SCAMP4: variants seen among roughly 807,000 people sequenced by gnomAD.
SCAMP4 encodes the protein secretory carrier-associated membrane protein 4.
Under a neutral mutation model 32.1 loss-of-function variants are expected in SCAMP4, and 19 were observed. The observed-to-expected ratio is 0.59, with a 90% CI of 0.41 to 0.87. SCAMP4 has a LOEUF of 0.87. Ranked by LOEUF, SCAMP4 falls within the 40% of genes least tolerant of loss-of-function variation. The pLI, the probability that SCAMP4 is intolerant of heterozygous loss-of-function variation, is 0.00. For missense variants in SCAMP4, 302 were observed against 309.0 expected (o/e 0.98, Z 0.17); for synonymous variants, 152 against 132.7 (o/e 1.15, Z -1.00).
rs2013238684 is a variant in SCAMP4 at position 1,908,180 on chromosome 19, G to A, written c.-42+2741G>A. On this transcript the variant is annotated intron_variant, in intron 1 of 6. Transcript: ENST00000316097. The surrounding 1 kb of genome is among the most constrained non-coding windows in gnomAD (Gnocchi z 4.2). ...GCGTTTTGGGAGGGCCCAGCGAGTC[G>A]GCTGCTATGGGCCCCACCTGGCACG... is the stretch of plus-strand genomic sequence containing the variant. 1.1e-5 allele frequency: 3 copies of A among 265,158 alleles called. No homozygotes were observed. Among genetic ancestry groups the A allele is most frequent in the African/African-American group, 2.3e-5 (1 of 42,740 alleles). The allele number at this position is 265,158 out of a possible 1,614,324, so 16.4% of individuals were successfully genotyped here.
Position 1,910,825 on chromosome 19 carries a change from T to C in SCAMP4, c.-41-4154T>C, listed in dbSNP as rs143575184. On this transcript the variant is annotated intron_variant, in intron 1 of 6. Transcript: ENST00000316097. ...CTCGTGGCCTCATGATCTGCCCGCCTCAGCCTCCCAAAGTGCTGGGATTAC... is the reference window on the plus strand; with the variant it reads ...CTCGTGGCCTCATGATCTGCCCGCCCCAGCCTCCCAAAGTGCTGGGATTAC... Among the ~76,000 whole-genome samples the C allele has an allele frequency of 5.1e-3, 775 of 152,038 alleles. 3 individuals carry two copies. Among genetic ancestry groups the C allele is most frequent in the Non-Finnish European group, 8.4e-3 (570 of 67,980 alleles).
At chr19:1,919,298 AC>A in intron 5 of SCAMP4, 1 of 1,211,274 alleles carries the variant, frequency 8.3e-7, no homozygotes, top group Non-Finnish European at 1.0e-6. Context: ...CACACCCCTG[AC>A]CCGGGGTCTG....
intron 2 of SCAMP4, chr19:1,915,321 A>G (rs1017722878): frequency 9.7e-6 from 5 of 514,428 alleles, no homozygotes; most frequent in East Asian, 3.4e-5. Context: ...GCGTGTTCTC[A>G]TGTGCCCCGG....
In SCAMP4 at chr19:1,908,966, G is replaced by A. The variant is rs1420061094; in HGVS notation, c.-42+3527G>A. On this transcript the variant is annotated intron_variant, in intron 1 of 6. Transcript: ENST00000316097. This position sits in a 1 kb window ranked among gnomAD's most constrained non-coding sequence, Gnocchi z 4.2. ...CTGAAAATACAAAAATTAGCCGGGC[G>A]TGGTGGCATGTGCCTGTATTCCCAG... Among the ~76,000 whole-genome samples, 1 of 152,100 alleles carries A rather than the reference G, an allele frequency of 6.6e-6. No individual in the cohort carries two copies. The highest frequency in any genetic ancestry group is 1.5e-5 in the Non-Finnish European group (1 of 68,020).
chr19:1,917,128 C>T (rs4806819), intron 2 of SCAMP4, among the ~76,000 whole-genome samples: 106,427 of 152,022 alleles, frequency 0.7, 38,538 homozygotes, highest in Non-Finnish European at 0.82. Flanking sequence ...GGTGAAACCT[C>T]GTGTCTACTA....
intron 5 of SCAMP4, chr19:1,922,233 A>G: frequency 1.0e-6 from 1 of 985,400 alleles, no homozygotes; most frequent in Non-Finnish European, 1.2e-6. Flanking sequence ...CCAGTGTCCC[A>G]CTGGTGGCTG....
At chr19:1,913,213 T>A (rs2013594058) in intron 1 of SCAMP4, 2 of 1,456,916 alleles carry the variant, frequency 1.4e-6, no homozygotes, top group South Asian at 1.4e-5. Flanking sequence ...CTCCTGGACT[T>A]CCGGGCCTCG....
chr19:1,912,001 C>A, intron 1 of SCAMP4: 1 of 1,416,110 alleles, frequency 7.1e-7, no homozygotes, highest in African/African-American at 1.5e-5. Context: ...GCCACGGCCT[C>A]CCGGGACGGA....
chr19:1,918,017 G>A lies in SCAMP4; in HGVS notation c.137-110G>A, dbSNP rs767804912. ...GCTTGCACAGTTCATCCTCGACATGGGGTCACTGGGCTGGGGAGGCGGACA... is the reference window on the plus strand; with the variant it reads ...GCTTGCACAGTTCATCCTCGACATGAGGTCACTGGGCTGGGGAGGCGGACA... On this transcript the variant is annotated intron_variant, in intron 3 of 6. Coordinates refer to ENST00000316097, the MANE Select transcript of SCAMP4 (RefSeq NM_079834.4). The A allele has an allele frequency of 2.0e-5, 28 of 1,425,406 alleles. 1 individual carries two copies. Among genetic ancestry groups the A allele is most frequent in the Non-Finnish European group, 2.3e-5 (24 of 1,049,748 alleles). 88.3% of individuals were successfully genotyped at this position (1,425,406 alleles called of 1,614,324 possible). A position where few individuals can be genotyped will look rare whatever the true frequency, so the allele number is the denominator to read the frequency against.
intron 1 of SCAMP4, chr19:1,913,446 A>C: frequency 3.9e-6 from 2 of 506,538 alleles, no homozygotes; most frequent in South Asian, 2.4e-5. Context: ...GCCCAAAACC[A>C]AGTGGGTGTC....
chr19:1,913,181 C>G (rs895121093), intron 1 of SCAMP4: 2 of 1,479,102 alleles, frequency 1.4e-6, no homozygotes, highest in Admixed American at 2.3e-5. Context: ...GGACCCTTCC[C>G]GCTCCCGGCC....
chr19:1,905,413 C>T lies in SCAMP4; in HGVS notation c.-68C>T, dbSNP rs1394259522. 6.5e-6 allele frequency: 3 copies of T among 463,516 alleles called. No homozygotes were observed. The highest frequency in any genetic ancestry group is 7.4e-5 in the East Asian group (1 of 13,584). The allele number at this position is 463,516 out of a possible 1,614,324, so 28.7% of individuals were successfully genotyped here. ...GGCCGGTTGCTAAGACTTGGCGAAG[C>T]GCTGCGCTCGCGCCCGGATCCCTCA... On this transcript the variant is annotated 5_prime_UTR_variant, in exon 1 of 7. Transcript: ENST00000316097.
At position 1,917,724 on chromosome 19, in the gene SCAMP4, A is replaced by G. The variant is rs1297632863; in HGVS notation, c.38A>G (p.Lys13Arg). The G allele has an allele frequency of 1.2e-6, 2 of 1,614,062 alleles. No homozygotes were observed. The highest frequency in any genetic ancestry group is 1.7e-6 in the Non-Finnish European group (2 of 1,179,890). Residue 13 changes from lysine (K) to arginine (R), a missense_variant, in exon 3 of 7, where the codon AAG becomes AGG. Physicochemically the swap from Lys to Arg is conservative, Grantham distance 26 (BLOSUM62 2). Coordinates refer to ENST00000316097, the MANE Select transcript of SCAMP4 (RefSeq NM_079834.4). Reference protein sequence around the residue: ...EKENNFPPLPKFIPVKPCFYQ... With the variant: ...EKENNFPPLPRFIPVKPCFYQ... Reference sequence around the variant, plus strand: ...GAGAACAACTTCCCGCCACTGCCCAAGTTCATCCCTGTGAAGCCCTGCTTC... The same window carrying G: ...GAGAACAACTTCCCGCCACTGCCCAGGTTCATCCCTGTGAAGCCCTGCTTC...
chr19:1,920,840 T>TCC, intron 5 of SCAMP4: 1 of 985,416 alleles, frequency 1.0e-6, no homozygotes, highest in South Asian at 4.7e-5. Flanking sequence ...GGTCCTGAGA[T>TCC]CCCGGCATGA....
chr19:1,905,618 C>A (rs1421901898), intron 1 of SCAMP4, 179 bp downstream of exon 1: 4 of 163,726 alleles, frequency 2.4e-5, no homozygotes, highest in African/African-American at 9.8e-5. Flanking sequence ...CGCGGGGAGG[C>A]GGCGCGAATG....
chr19:1,919,041 G>T, intron 5 of SCAMP4, 51 bp downstream of exon 5: 1 of 1,565,356 alleles, frequency 6.4e-7, no homozygotes, highest in Non-Finnish European at 8.7e-7. Context: ...TCAGCTGCCA[G>T]GTTGTGGGCC....
At position 1,914,994 on chromosome 19, in the gene SCAMP4, A is replaced by C. The variant is rs756009356; in HGVS notation, c.-26A>C. 7.4e-6 allele frequency: 12 copies of C among 1,613,736 alleles called. No individual in the cohort carries two copies. Among genetic ancestry groups the C allele is most frequent in the African/African-American group, 1.3e-5 (1 of 74,922 alleles). Reference sequence around the variant, plus strand: ...TTCCTTCCAGGCGGCTGCAGGCTTCAGCCTGCGCTGGTTGGTGAAACAGAG... The same window carrying C: ...TTCCTTCCAGGCGGCTGCAGGCTTCCGCCTGCGCTGGTTGGTGAAACAGAG... On this transcript the variant is annotated 5_prime_UTR_variant, in exon 2 of 7. Coordinates refer to ENST00000316097, the MANE Select transcript of SCAMP4 (RefSeq NM_079834.4).
chr19:1,919,434 GGCTGCCAGGTGCCCA>G, intron 5 of SCAMP4: 1 of 985,238 alleles, frequency 1.0e-6, no homozygotes, highest in Non-Finnish European at 1.2e-6. Flanking sequence ...CACTCTCTAA[GGCTGCCAGGTGCCCA>G]GAAGTGTTTG....
chr19:1,909,938 C>G (rs902723815), intron 1 of SCAMP4, among the ~76,000 whole-genome samples: 1 of 152,236 alleles, frequency 6.6e-6, no homozygotes, highest in Non-Finnish European at 1.5e-5. Context: ...CTTTTCCTAG[C>G]CCTTGGCCGA....
Sources: gnomAD v4.1 joint callset for allele counts (sites outside exome capture counted in the v4.1 genomes callset) on GRCh38, gnomAD v4.1.1 for gene constraint, Gnocchi (gnomAD v3.1) non-coding constraint, MANE v1.5 for transcripts, NCBI Gene and HGNC (gene_info 2026-07-23, HGNC 2026-07-21) for gene names.